PUS10: variants seen among roughly 807,000 people sequenced by gnomAD.
PUS10 encodes the protein tRNA pseudouridine synthase Pus10.
PUS10 carries 59 observed loss-of-function variants against 75.0 expected under a neutral mutation model. That is an observed-to-expected ratio of 0.79 (90% CI 0.64 to 0.98). PUS10 has a LOEUF of 0.98. PUS10 is among the 50% of genes least tolerant of loss of function. The pLI is 0.00. For synonymous variants in PUS10, 219 were observed against 211.6 expected (o/e 1.03, Z -0.30); for missense variants, 650 against 614.4 (o/e 1.06, Z -0.61).
intron 4 of PUS10, among the ~76,000 whole-genome samples, chr2:60,978,378 C>T (rs999217901): frequency 1.9e-4 from 28 of 143,966 alleles, no homozygotes; most frequent in African/African-American, 7.4e-4. Context: ...GCTGAGATTG[C>T]ACCACTGTAC....
chr2:60,963,180 T>C (rs1676138302), intron 8 of PUS10, among the ~76,000 whole-genome samples: 1 of 152,228 alleles, frequency 6.6e-6, no homozygotes, highest in African/African-American at 2.4e-5. Flanking sequence ...CCCACTTCTC[T>C]CAAATTATGG....
chr2:60,964,976 T>A lies in PUS10; in HGVS notation c.723+82A>T, dbSNP rs1055766361. 4.4e-6 allele frequency: 5 copies of A among 1,133,282 alleles called. No homozygotes were observed. The Admixed American group carries it at 9.4e-5, about 21-fold the overall frequency. The allele number at this position is 1,133,282 out of a possible 1,614,324, so 70.2% of individuals were successfully genotyped here. A position where few individuals can be genotyped will look rare whatever the true frequency, so the allele number is the denominator to read the frequency against. ...TATAATAGAGTTGCCATGTTTCTGA[T>A]GCATATCCTTTTTGTTGGAAATTTG... On this transcript the variant is annotated intron_variant, in intron 8 of 17. Coordinates refer to ENST00000316752, the MANE Select transcript of PUS10 (RefSeq NM_144709.4).
At chr2:61,014,794 T>C (rs1193173537) in intron 1 of PUS10, among the ~76,000 whole-genome samples, 1 of 152,202 alleles carries the variant, frequency 6.6e-6, no homozygotes, top group Non-Finnish European at 1.5e-5. Context: ...GTGAAGCTCC[T>C]CCCAACAGCT....
chr2:60,951,818 C>T (rs1012588998), intron 15 of PUS10, among the ~76,000 whole-genome samples: 1 of 152,084 alleles, frequency 6.6e-6, no homozygotes, highest in African/African-American at 2.4e-5. Context: ...TTATTTTTTT[C>T]CTTAGCACTT....
At chr2:60,948,389 C>CTGATTTT (rs1675121953) in intron 15 of PUS10, among the ~76,000 whole-genome samples, 2 of 152,156 alleles carry the variant, frequency 1.3e-5, no homozygotes, top group Non-Finnish European at 2.9e-5. Flanking sequence ...CCATGCCCGG[C>CTGATTTT]TGATTTTTGT....
chr2:60,960,447 T>G lies in PUS10; in HGVS notation c.945A>C (p.Glu315Asp). 3 of 1,577,532 alleles carry G rather than the reference T, an allele frequency of 1.9e-6. No individual in the cohort carries two copies. Among genetic ancestry groups the G allele is most frequent in the Middle Eastern group, 3.4e-4 (2 of 5,970 alleles). ...CTGAAATTAATTCTTCCACTGAAGA[T>G]TCCAGCTTCCTTTCTCCATCAATTA... ...PWIIDGERKLESSVEELISDH... is the reference protein window; with the variant it reads ...PWIIDGERKLDSSVEELISDH... Residue 315 changes from glutamate to aspartate, a missense_variant, in exon 11 of 18, where the codon GAA (glutamate) becomes GAC (aspartate). Coordinates refer to ENST00000316752, the MANE Select transcript of PUS10 (RefSeq NM_144709.4).
chr2:60,958,673 C>T (rs1006075968), intron 11 of PUS10, among the ~76,000 whole-genome samples: 2 of 152,196 alleles, frequency 1.3e-5, no homozygotes, highest in Admixed American at 6.5e-5. Flanking sequence ...TGCTTGAGCT[C>T]GGGAGTTTGA....
At chr2:61,007,780 A>C (rs1048681401) in intron 3 of PUS10, among the ~76,000 whole-genome samples, 1 of 151,120 alleles carries the variant, frequency 6.6e-6, no homozygotes. Flanking sequence ...AAAAAAAAAA[A>C]AAAACAGAAA....
At chr2:60,959,247 G>C (rs1439800739) in intron 11 of PUS10, among the ~76,000 whole-genome samples, 1 of 152,234 alleles carries the variant, frequency 6.6e-6, no homozygotes, top group African/African-American at 2.4e-5. Context: ...AAGAAGCACT[G>C]GATGTGGAAG....
rs773098988 is a variant in PUS10 at position 61,018,235 on chromosome 2, T to A, written c.-243A>T. On this transcript the variant is annotated 5_prime_UTR_variant, in exon 1 of 18. It removes an upstream start codon present in the reference 5' UTR. Transcript: ENST00000316752. ...GAGCGGCATTTGTCCAGCCACGGCATCGACAGGGAGCAAAGTCTCTCCTTA... is the reference window on the plus strand; with the variant it reads ...GAGCGGCATTTGTCCAGCCACGGCAACGACAGGGAGCAAAGTCTCTCCTTA... 8.4e-6 allele frequency: 13 copies of A among 1,551,156 alleles called. No individual in the cohort carries two copies. The South Asian group carries it at 1.4e-4, about 17-fold the overall frequency.
chr2:61,017,451 C>T (rs183231086), intron 1 of PUS10: 62 of 267,516 alleles, frequency 2.3e-4, no homozygotes, highest in African/African-American at 1.3e-3. Context: ...CCAGAAAAGC[C>T]TCGGTGGGAC....
In PUS10 at chr2:61,008,919, C is replaced by G. The variant is rs377061669; in HGVS notation, c.223G>C (p.Glu75Gln). 1.2e-6 allele frequency: 2 copies of G among 1,613,716 alleles called. No homozygotes were observed. Among genetic ancestry groups the G allele is most frequent in the Non-Finnish European group, 1.7e-6 (2 of 1,179,860 alleles). Residue 75 changes from glutamate to glutamine, a missense_variant, in exon 3 of 18, where the codon GAA (glutamate) becomes CAA (glutamine). Physicochemically the swap from Glu to Gln is conservative, Grantham distance 29 (BLOSUM62 2). Transcript: ENST00000316752. ...AGATTATCAATACTATCTTCCAGTT[C>G]TTGCAGTCGAATTTTCTTGGGAGGT... ...NPPPKKIRLQ[E>Q]LEDSIDNLSQ...
At position 60,940,929 on chromosome 2, in the gene PUS10, A is replaced by G. The variant is rs528544642; in HGVS notation, c.*1466T>C. 5.9e-5 allele frequency: 9 copies of G among 152,468 alleles called. No individual in the cohort carries two copies. In the South Asian group the frequency reaches 1.0e-3, roughly 18 times the overall value. The allele number at this position is 152,468 out of a possible 1,614,324, so 9.4% of individuals were successfully genotyped here. On this transcript the variant is annotated 3_prime_UTR_variant, in exon 18 of 18. Coordinates refer to ENST00000316752, the MANE Select transcript of PUS10 (RefSeq NM_144709.4). Reference sequence around the variant, plus strand: ...CATGGTTTCAACGTGGTATGAAACTATGTTGGTTCCAACGTGGCTGACTCC... The same window carrying G: ...CATGGTTTCAACGTGGTATGAAACTGTGTTGGTTCCAACGTGGCTGACTCC...
intron 4 of PUS10, among the ~76,000 whole-genome samples, chr2:60,984,241 G>A (rs1235039940): frequency 6.6e-6 from 1 of 152,156 alleles, no homozygotes; most frequent in Admixed American, 6.5e-5. Flanking sequence ...AAGATTAATA[G>A]TCACTATGTC....
intron 16 of PUS10, among the ~76,000 whole-genome samples, chr2:60,945,459 T>C (rs1325300854): frequency 6.6e-6 from 1 of 152,216 alleles, no homozygotes; most frequent in Non-Finnish European, 1.5e-5. Context: ...TATGTTATTA[T>C]CTTGTTAGTC....
At chr2:60,985,866 G>T (rs768549902) in intron 4 of PUS10, among the ~76,000 whole-genome samples, 4 of 147,870 alleles carry the variant, frequency 2.7e-5, no homozygotes, top group Non-Finnish European at 4.4e-5. Flanking sequence ...TTTACTCTAG[G>T]TTGGGTCTGC....
rs191761101 is a variant in PUS10 at position 60,961,847 on chromosome 2, G to A, written c.789-299C>T. Among the ~76,000 whole-genome samples the A allele has an allele frequency of 1.4e-3, 209 of 152,262 alleles. 1 individual carries two copies. Among genetic ancestry groups the A allele is most frequent in the Non-Finnish European group, 1.9e-3 (129 of 68,018 alleles). ...CTTTCCAATAGCCTCAAGATTTGAGGGAAAAATCCATACATAGGAAGTGGA... is the reference window on the plus strand; with the variant it reads ...CTTTCCAATAGCCTCAAGATTTGAGAGAAAAATCCATACATAGGAAGTGGA... On this transcript the variant is annotated intron_variant, in intron 9 of 17. Coordinates refer to ENST00000316752, the MANE Select transcript of PUS10 (RefSeq NM_144709.4).
chr2:60,994,440 G>C (rs944588627), intron 4 of PUS10, among the ~76,000 whole-genome samples: 6 of 151,190 alleles, frequency 4.0e-5, no homozygotes, highest in South Asian at 2.1e-4. Flanking sequence ...TGAAATTCCT[G>C]AATTTTAAGA....
chr2:60,959,976 C>G (rs1320536068), intron 11 of PUS10, among the ~76,000 whole-genome samples: 1 of 151,394 alleles, frequency 6.6e-6, no homozygotes, highest in African/African-American at 2.4e-5. Context: ...CCCAGGAGTT[C>G]GAGACCAGCC....
Sources: gnomAD v4.1 joint callset for allele counts (sites outside exome capture counted in the v4.1 genomes callset) on GRCh38, gnomAD v4.1.1 for gene constraint, MANE v1.5 for transcripts, NCBI Gene and HGNC (gene_info 2026-07-23, HGNC 2026-07-21) for gene names.